RGS8: variants seen among roughly 807,000 people sequenced by gnomAD.
RGS8 encodes the protein regulator of G-protein signaling 8.
A neutral mutation model predicts 21.7 loss-of-function variants in RGS8; 8 were observed. The ratio of observed to expected loss-of-function variants is 0.37; its 90% CI spans 0.22 to 0.66. The LOEUF is 0.66. Ranked by LOEUF, RGS8 falls within the 30% of genes least tolerant of loss-of-function variation. The pLI, the probability that RGS8 is intolerant of heterozygous loss-of-function variation, is 0.59. For missense variants in RGS8, 157 were observed against 217.9 expected (o/e 0.72, Z 1.76); for synonymous variants, 80 against 83.6 (o/e 0.96, Z 0.24).
intron 1 of RGS8, among the ~76,000 whole-genome samples, chr1:182,678,227 T>C (rs927358096): frequency 6.6e-6 from 1 of 152,148 alleles, no homozygotes; most frequent in Non-Finnish European, 1.5e-5. Flanking sequence ...AGCTGGGTGG[T>C]AGGTACGTAG....
the RGS8 span, among the ~76,000 whole-genome samples, chr1:182,735,620 C>A: frequency 3.3e-5 from 5 of 152,194 alleles, no homozygotes; most frequent in African/African-American, 1.2e-4. Flanking sequence ...GAAGCAGGGA[C>A]AACACAGGGC....
intron 2 of RGS8, 116 bp downstream of exon 3, chr1:182,671,541 C>A: frequency 1.2e-6 from 1 of 857,092 alleles, no homozygotes; most frequent in Non-Finnish European, 1.9e-6. Flanking sequence ...ACTAGAGCCT[C>A]CGAGGGAAGA....
chr1:182,686,650 ATTG>A (rs1571362813), upstream of RGS8, among the ~76,000 whole-genome samples: 3 of 152,294 alleles, frequency 2.0e-5, no homozygotes, highest in East Asian at 5.8e-4. Context: ...ATGAAAACTA[ATTG>A]TGTGTTTGCC....
chr1:182,661,416 G>A (rs1381705517), intron 5 of RGS8, among the ~76,000 whole-genome samples: 1 of 152,000 alleles, frequency 6.6e-6, no homozygotes, highest in Non-Finnish European at 1.5e-5. Flanking sequence ...CATAAGAAGT[G>A]AGAGGAAAGG....
chr1:182,746,443 G>T, the RGS8 span, among the ~76,000 whole-genome samples: 1 of 152,116 alleles, frequency 6.6e-6, no homozygotes, highest in Admixed American at 6.5e-5. Flanking sequence ...AAGGCAGACA[G>T]ATCACTTAAG....
At chr1:182,643,575 C>T (rs1212347988), downstream of RGS8, 2 of 152,004 alleles carry the variant, frequency 1.3e-5, no homozygotes, top group African/African-American at 4.8e-5. Context: ...CACTAGCCAT[C>T]TAGGAACTTA....
downstream of RGS8, chr1:182,643,314 C>T (rs1306081008): frequency 1.9e-5 from 2 of 103,140 alleles, no homozygotes; most frequent in Non-Finnish European, 4.1e-5. Flanking sequence ...GTGTCTCCCC[C>T]CTCCCCCAGC....
At chr1:182,684,750 C>T (rs576365498), upstream of RGS8, among the ~76,000 whole-genome samples, 11 of 152,106 alleles carry the variant, frequency 7.2e-5, no homozygotes, top group South Asian at 1.9e-3. This position sits in a 1 kb window ranked among gnomAD's most constrained non-coding sequence, Gnocchi z 4.2. Flanking sequence ...CAGCTGCCTC[C>T]GAGGGGCTGG....
intron 5 of RGS8, chr1:182,658,781 G>C (rs1449310024): frequency 6.6e-6 from 1 of 152,210 alleles, no homozygotes; most frequent in Non-Finnish European, 1.5e-5. Flanking sequence ...CAGGAGTTCA[G>C]GGCTGCAGTG....
the RGS8 span, among the ~76,000 whole-genome samples, chr1:182,719,180 C>A: frequency 6.6e-6 from 1 of 152,198 alleles, no homozygotes; most frequent in South Asian, 2.1e-4. Context: ...CCAGGAGTTG[C>A]GCAGCACAGA....
the RGS8 span, among the ~76,000 whole-genome samples, chr1:182,695,645 A>C: frequency 6.6e-6 from 1 of 152,208 alleles, no homozygotes; most frequent in Non-Finnish European, 1.5e-5. Context: ...TAGCCATTTA[A>C]GAAAGTATTT....
At chr1:182,655,543 C>T (rs1663233587) in intron 5 of RGS8, among the ~76,000 whole-genome samples, 1 of 152,190 alleles carries the variant, frequency 6.6e-6, no homozygotes, top group South Asian at 2.1e-4. Flanking sequence ...GCTCTCATTA[C>T]CTGGCAGCCT....
At chr1:182,707,457 G>C in the RGS8 span, among the ~76,000 whole-genome samples, 1 of 152,164 alleles carries the variant, frequency 6.6e-6, no homozygotes, top group Non-Finnish European at 1.5e-5. Context: ...GTGTGGCAAA[G>C]GCATCAAAAT....
At chr1:182,726,030 T>C in the RGS8 span, among the ~76,000 whole-genome samples, 1 of 152,206 alleles carries the variant, frequency 6.6e-6, no homozygotes, top group African/African-American at 2.4e-5. Context: ...TTAGCACTGC[T>C]TAAATTGCCT....
At chr1:182,651,342 C>T (rs957494470) in intron 5 of RGS8, among the ~76,000 whole-genome samples, 2 of 152,170 alleles carry the variant, frequency 1.3e-5, no homozygotes, top group African/African-American at 2.4e-5. Flanking sequence ...ACAGCTCAGC[C>T]GAGCCTACCC....
At chr1:182,727,341 ATG>A in the RGS8 span, among the ~76,000 whole-genome samples, 1 of 152,236 alleles carries the variant, frequency 6.6e-6, no homozygotes, top group African/African-American at 2.4e-5. Flanking sequence ...TAGAAAGAAC[ATG>A]TAGAACAGTG....
chr1:182,665,770 G>A (rs1663826502), intron 5 of RGS8, among the ~76,000 whole-genome samples, 199 bp downstream of exon 6: 1 of 152,120 alleles, frequency 6.6e-6, no homozygotes, highest in Non-Finnish European at 1.5e-5. Context: ...AAACAGAAAA[G>A]GAGGCCCTCA....
At chr1:182,681,415 C>T (rs1425377300) in intron 1 of RGS8, among the ~76,000 whole-genome samples, 1 of 152,232 alleles carries the variant, frequency 6.6e-6, no homozygotes, top group East Asian at 1.9e-4. Flanking sequence ...TCCCCCTTCT[C>T]TGAATATAAA....
At position 182,654,710 on chromosome 1, in the gene RGS8, T is replaced by TA. The variant is rs372984593; in HGVS notation, c.194-6408dup. On this transcript the variant is annotated intron_variant, in intron 5 of 6. Transcript: ENST00000483095. ...CTTGGAAAAGTAAATAAGAATGTGATAAAAAAAAAACCGTCATACAATTGT... is the reference window on the plus strand; with the variant it reads ...CTTGGAAAAGTAAATAAGAATGTGATAAAAAAAAAAACCGTCATACAATTGT... Among the ~76,000 whole-genome samples the TA allele has an allele frequency of 5.5e-3, 815 of 148,956 alleles. 5 individuals are homozygous for TA. Among genetic ancestry groups the TA allele is most frequent in the East Asian group, 0.025 (126 of 5,130 alleles).
Sources: allele counts gnomAD v4.1 joint callset (sites outside exome capture counted in the v4.1 genomes callset), GRCh38; gene constraint gnomAD v4.1.1; non-coding constraint Gnocchi (gnomAD v3.1); transcripts MANE v1.5; gene names NCBI Gene and HGNC (gene_info 2026-07-23, HGNC 2026-07-21).